Variants in ROBO1 observed in about 807,000 individuals in gnomAD.
ROBO1 encodes the protein roundabout guidance receptor 1.
Under a neutral mutation model 195.9 loss-of-function variants are expected in ROBO1, and 149 were observed. The observed-to-expected ratio is 0.76, with a 90% confidence interval of 0.67 to 0.87. The LOEUF is 0.87. Ranked by LOEUF, ROBO1 falls within the 40% of genes least tolerant of loss-of-function variation. ROBO1 has a pLI of 0.00. For synonymous variants in ROBO1, 816 were observed against 733.2 expected (o/e 1.11, Z -1.82); for missense variants, 1,933 against 2,068.3 (o/e 0.93, Z 1.27).
In ROBO1 at chr3:78,599,810, G is replaced by C. The variant is rs183356108; in HGVS notation, c.4941+303C>G. Among the ~76,000 whole-genome samples, 62 of 152,186 alleles carry C rather than the reference G, an allele frequency of 4.1e-4. 1 individual carries two copies. The East Asian group carries it at 0.011, about 28-fold the overall frequency. ...TGCTACAATGCTATGAATTATAATA[G>C]CTCTAGATCAACAGCTCTTACTTCT... On this transcript the variant is annotated intron_variant, in intron 30 of 30. Coordinates refer to ENST00000464233, the MANE Select transcript of ROBO1 (RefSeq NM_002941.4).
At chr3:79,153,186 A>G (rs2080802477) in intron 2 of ROBO1, among the ~76,000 whole-genome samples, 1 of 151,648 alleles carries the variant, frequency 6.6e-6, no homozygotes, top group Admixed American at 6.6e-5. Context: ...AGTTTAGGGA[A>G]AAGTATAATT....
chr3:79,644,012 T>C (rs1445416310), intron 1 of ROBO1, among the ~76,000 whole-genome samples: 3 of 152,064 alleles, frequency 2.0e-5, no homozygotes, highest in African/African-American at 7.2e-5. Context: ...AGTGAAGAGA[T>C]GGAAAAAATA....
At chr3:79,086,240 A>G (rs1415878526) in intron 3 of ROBO1, among the ~76,000 whole-genome samples, 1 of 152,138 alleles carries the variant, frequency 6.6e-6, no homozygotes, top group Non-Finnish European at 1.5e-5. Context: ...AATGTGGGCA[A>G]CCAGATGGGG....
chr3:79,265,697 T>A (rs2083027589), intron 2 of ROBO1, among the ~76,000 whole-genome samples: 1 of 151,516 alleles, frequency 6.6e-6, no homozygotes, highest in African/African-American at 2.4e-5. Flanking sequence ...TCGAATATTC[T>A]CATAAACTGA....
At chr3:78,726,173 T>C (rs1424961592) in intron 5 of ROBO1, among the ~76,000 whole-genome samples, 1 of 152,206 alleles carries the variant, frequency 6.6e-6, no homozygotes, top group South Asian at 2.1e-4. Flanking sequence ...ATTTATCTCA[T>C]TTCCTTTAAT....
intron 2 of ROBO1, among the ~76,000 whole-genome samples, chr3:79,542,678 G>T (rs1029356045): frequency 2.0e-5 from 3 of 152,010 alleles, no homozygotes; most frequent in African/African-American, 4.8e-5. Context: ...GGTATTATTT[G>T]CATTTAATGA....
chr3:78,790,277 C>A (rs1223803529), intron 4 of ROBO1, among the ~76,000 whole-genome samples: 3 of 152,120 alleles, frequency 2.0e-5, no homozygotes, highest in South Asian at 4.1e-4. Flanking sequence ...TTTTCCTGTG[C>A]AGCTTAGAAC....
chr3:78,600,063 A>G (rs779090466), intron 30 of ROBO1, 50 bp downstream of exon 30: 1 of 1,481,936 alleles, frequency 6.7e-7, no homozygotes, highest in Admixed American at 1.7e-5. Context: ...CTAACTACAT[A>G]AAACAACCAC....
At chr3:78,925,515 C>G (rs1398840491) in intron 4 of ROBO1, among the ~76,000 whole-genome samples, 1 of 152,140 alleles carries the variant, frequency 6.6e-6, no homozygotes, top group African/African-American at 2.4e-5. Flanking sequence ...CACTCATTTC[C>G]ACTGTGGGAA....
chr3:78,941,195 A>G (rs1576436660), intron 3 of ROBO1, among the ~76,000 whole-genome samples: 2 of 152,336 alleles, frequency 1.3e-5, no homozygotes, highest in Middle Eastern at 3.4e-3. Context: ...TGAAACACTA[A>G]TAACTTTAGC....
intron 2 of ROBO1, among the ~76,000 whole-genome samples, chr3:79,511,879 A>G (rs1338136405): frequency 6.6e-6 from 1 of 152,130 alleles, no homozygotes; most frequent in Non-Finnish European, 1.5e-5. Flanking sequence ...ATGAGAACAC[A>G]TGGACACACA....
At chr3:78,986,547 T>C (rs776903325) in intron 3 of ROBO1, among the ~76,000 whole-genome samples, 1 of 152,118 alleles carries the variant, frequency 6.6e-6, no homozygotes, top group East Asian at 1.9e-4. Flanking sequence ...ATGCAGACCA[T>C]AGTGATGGTT....
intron 4 of ROBO1, among the ~76,000 whole-genome samples, chr3:78,831,800 T>C (rs1408241417): frequency 6.6e-6 from 1 of 152,216 alleles, no homozygotes; most frequent in South Asian, 2.1e-4. Flanking sequence ...TCACATCTTA[T>C]GTGGTGACAG....
At chr3:78,849,679 G>A (rs999578411) in intron 4 of ROBO1, among the ~76,000 whole-genome samples, 6 of 151,904 alleles carry the variant, frequency 3.9e-5, no homozygotes, top group African/African-American at 1.2e-4. Context: ...TAAGATGTAA[G>A]AGTAAAGAGA....
chr3:79,066,173 T>G (rs2078999847), intron 3 of ROBO1, among the ~76,000 whole-genome samples: 1 of 151,810 alleles, frequency 6.6e-6, no homozygotes, highest in Non-Finnish European at 1.5e-5. Flanking sequence ...TTTTAAAAAA[T>G]CAGTAAAACT....
chr3:79,632,877 T>C (rs113813961), intron 1 of ROBO1, among the ~76,000 whole-genome samples: 1 of 151,966 alleles, frequency 6.6e-6, no homozygotes, highest in Non-Finnish European at 1.5e-5. Context: ...AAAAAAGATA[T>C]CTGATTAAGG....
intron 2 of ROBO1, among the ~76,000 whole-genome samples, chr3:79,324,443 A>G (rs2034119773): frequency 6.6e-6 from 1 of 152,158 alleles, no homozygotes; most frequent in African/African-American, 2.4e-5. Flanking sequence ...ACACCGTAGG[A>G]TCTCTAAATT....
At chr3:79,529,971 T>C (rs1456005374) in intron 2 of ROBO1, among the ~76,000 whole-genome samples, 1 of 152,200 alleles carries the variant, frequency 6.6e-6, no homozygotes, top group Non-Finnish European at 1.5e-5. Flanking sequence ...TTAACCTTTT[T>C]AAGGTAAAAT....
intron 1 of ROBO1, among the ~76,000 whole-genome samples, chr3:79,672,340 A>ATGTTTTCCC (rs11282196): frequency 4.5e-4 from 68 of 151,610 alleles, no homozygotes; most frequent in Non-Finnish European, 8.6e-4. Flanking sequence ...ACTTTGAATA[A>ATGTTTTCCC]TGTCAATCTT....
Sources: allele counts gnomAD v4.1 joint callset (sites outside exome capture counted in the v4.1 genomes callset), GRCh38; gene constraint gnomAD v4.1.1; transcripts MANE v1.5; gene names NCBI Gene and HGNC (gene_info 2026-07-23, HGNC 2026-07-21).